Variants in DGKB observed in about 807,000 individuals in gnomAD.
The protein encoded by DGKB is 90 kDa diacylglycerol kinase.
In DGKB, 67 loss-of-function variants were observed where a neutral mutation model predicts 114.3. That is an observed-to-expected ratio of 0.59 (90% CI 0.48 to 0.72). DGKB has a LOEUF of 0.72. Ranked by LOEUF, DGKB falls within the 30% of genes least tolerant of loss-of-function variation. The pLI is 0.00. For synonymous variants in DGKB, 398 were observed against 323.1 expected (o/e 1.23, Z -2.49); for missense variants, 907 against 975.2 (o/e 0.93, Z 0.93).
At chr7:14,530,918 T>C (rs117843301) in intron 20 of DGKB, among the ~76,000 whole-genome samples, 4 of 151,662 alleles carry the variant, frequency 2.6e-5, no homozygotes, top group Non-Finnish European at 5.9e-5. Context: ...CTTCAGAATA[T>C]ATACAATGTA....
At chr7:14,833,371 T>A (rs947846592) in intron 2 of DGKB, among the ~76,000 whole-genome samples, 2 of 147,974 alleles carry the variant, frequency 1.4e-5, no homozygotes, top group Non-Finnish European at 3.0e-5. Context: ...GATATTGATT[T>A]ATGTTTATGT....
chr7:14,193,698 A>G (rs1784625236), intron 23 of DGKB, among the ~76,000 whole-genome samples: 1 of 152,182 alleles, frequency 6.6e-6, no homozygotes, highest in Non-Finnish European at 1.5e-5. Context: ...AGACAAATGG[A>G]GTTTCATTGA....
In DGKB at chr7:14,972,378, T is replaced by C. The variant is rs570489767; in HGVS notation, c.-188+2318A>G. ...AACAGAGATTATGCTTCTCCTTTTATCCTAAATTTATAAGCAACAATTTTT... is the reference window on the plus strand; with the variant it reads ...AACAGAGATTATGCTTCTCCTTTTACCCTAAATTTATAAGCAACAATTTTT... On this transcript the variant is annotated intron_variant, in intron 1 of 4. Transcript: ENST00000437998. Among the ~76,000 whole-genome samples the C allele has an allele frequency of 2.0e-5, 3 of 152,264 alleles. No homozygotes were observed. In the South Asian group the frequency reaches 6.2e-4, roughly 32 times the overall value.
intron 21 of DGKB, among the ~76,000 whole-genome samples, chr7:14,432,559 T>C (rs904648687): frequency 2.0e-5 from 3 of 152,188 alleles, no homozygotes; most frequent in African/African-American, 7.2e-5. Flanking sequence ...ATAGTGACTG[T>C]CAGTTAGTCT....
At chr7:14,684,096 GCT>G (rs1232766825) in intron 10 of DGKB, among the ~76,000 whole-genome samples, 3 of 152,058 alleles carry the variant, frequency 2.0e-5, no homozygotes, top group Admixed American at 6.6e-5. Context: ...TTCAAACGTA[GCT>G]GTCAGAGACT....
chr7:14,781,498 G>C (rs1247046522), intron 2 of DGKB, among the ~76,000 whole-genome samples: 1 of 152,052 alleles, frequency 6.6e-6, no homozygotes, highest in African/African-American at 2.4e-5. Flanking sequence ...CTCCTCACCT[G>C]CTAATATTCT....
At chr7:14,866,363 G>C (rs1851715808) in intron 1 of DGKB, among the ~76,000 whole-genome samples, 1 of 152,104 alleles carries the variant, frequency 6.6e-6, no homozygotes, top group African/African-American at 2.4e-5. Context: ...TTATAGAGTA[G>C]TTTTATTGCC....
At chr7:14,747,432 G>T (rs563023501) in intron 4 of DGKB, among the ~76,000 whole-genome samples, 98 of 151,664 alleles carry the variant, frequency 6.5e-4, no homozygotes, top group African/African-American at 2.2e-3. Flanking sequence ...GTGTTTCCTG[G>T]TTAACCCGTC....
At chr7:14,240,384 T>C (rs1357884797) in intron 23 of DGKB, among the ~76,000 whole-genome samples, 4 of 152,092 alleles carry the variant, frequency 2.6e-5, no homozygotes, top group African/African-American at 7.2e-5. Context: ...TTTCAATAAT[T>C]GCATAATTAT....
chr7:14,190,313 A>G lies in DGKB; in HGVS notation c.2123-12162T>C, dbSNP rs1228356340. On this transcript the variant is annotated intron_variant, in intron 23 of 25. Transcript: ENST00000402815. ...AACCAATGGGTCAGTGAGTAAGTTAAAAGAAAATTAAAATTTTCTTGAGAC... is the reference window on the plus strand; with the variant it reads ...AACCAATGGGTCAGTGAGTAAGTTAGAAGAAAATTAAAATTTTCTTGAGAC... 2.0e-5 allele frequency among the ~76,000 whole-genome samples: 3 copies of G among 152,204 alleles called. No individual in the cohort carries two copies. The South Asian group carries it at 6.2e-4, about 32-fold the overall frequency.
intron 6 of DGKB, among the ~76,000 whole-genome samples, chr7:14,709,282 G>C (rs1826898340): frequency 6.6e-6 from 1 of 150,464 alleles, no homozygotes. Flanking sequence ...TCTCACACCA[G>C]TTAGAATGGC....
At position 14,234,731 on chromosome 7, in the gene DGKB, C is replaced by G. The variant is rs1347775653; in HGVS notation, c.2123-56580G>C. On this transcript the variant is annotated intron_variant, in intron 23 of 25. Coordinates refer to ENST00000402815, the MANE Select transcript of DGKB (RefSeq NM_001350709.2). ...TTTTCTATTGGCAGCAGTAAAATCT[C>G]ATGGAACTTAGAAAAGGTGATGTAG... Among the ~76,000 whole-genome samples the G allele has an allele frequency of 4.6e-5, 7 of 152,108 alleles. No homozygotes were observed. In the East Asian group the frequency reaches 1.2e-3, roughly 25 times the overall value.
At chr7:14,739,332 C>A (rs934469436) in intron 4 of DGKB, among the ~76,000 whole-genome samples, 43 of 152,240 alleles carry the variant, frequency 2.8e-4, no homozygotes, top group African/African-American at 1.0e-3. Flanking sequence ...TGTGGGGTGG[C>A]TCAGACTAAG....
intron 5 of DGKB, among the ~76,000 whole-genome samples, chr7:14,719,245 A>T (rs1469192784): frequency 6.6e-6 from 1 of 152,158 alleles, no homozygotes; most frequent in African/African-American, 2.4e-5. Flanking sequence ...ACATAAGCAA[A>T]ACTCTGGATA....
intron 2 of DGKB, among the ~76,000 whole-genome samples, chr7:14,783,742 A>G (rs1193768783): frequency 1.3e-5 from 2 of 152,242 alleles, no homozygotes; most frequent in Non-Finnish European, 2.9e-5. Context: ...GAAAAAGTAA[A>G]TACCAAGGAT....
At chr7:14,701,767 CA>C (rs1441051527) in intron 6 of DGKB, 37 bp from the exon 7 acceptor site, 5 of 1,365,140 alleles carry the variant, frequency 3.7e-6, no homozygotes, top group Non-Finnish European at 5.2e-6. Flanking sequence ...AGATTATAGG[CA>C]AATAAGATCA....
At chr7:14,575,044 G>C (rs1359613647) in intron 19 of DGKB, among the ~76,000 whole-genome samples, 2 of 152,148 alleles carry the variant, frequency 1.3e-5, no homozygotes, top group Admixed American at 1.3e-4. Flanking sequence ...AGGACTACTT[G>C]AGGCCAGGAG....
intron 20 of DGKB, among the ~76,000 whole-genome samples, chr7:14,530,028 C>T (rs949530500): frequency 3.3e-5 from 5 of 151,592 alleles, no homozygotes; most frequent in Non-Finnish European, 5.9e-5. Flanking sequence ...TTTATTTGAT[C>T]AGGATCGATT....
At chr7:14,433,069 A>C (rs1187567671) in intron 21 of DGKB, among the ~76,000 whole-genome samples, 1 of 152,160 alleles carries the variant, frequency 6.6e-6, no homozygotes, top group Non-Finnish European at 1.5e-5. Flanking sequence ...AGCTGCTGTA[A>C]ATGCTGACAA....
Sources: gnomAD v4.1 joint callset for allele counts (sites outside exome capture counted in the v4.1 genomes callset) on GRCh38, gnomAD v4.1.1 for gene constraint, MANE v1.5 for transcripts, NCBI Gene and HGNC (gene_info 2026-07-23, HGNC 2026-07-21) for gene names.